Variants in DMD observed in about 807,000 individuals in gnomAD.
The protein encoded by DMD is mutant dystrophin.
DMD carries 63 observed loss-of-function variants against 330.1 expected under a neutral mutation model. The ratio of observed to expected loss-of-function variants is 0.19; its 90% CI spans 0.16 to 0.24. The LOEUF (loss-of-function observed/expected upper bound fraction) is 0.24, where lower values mean the gene tolerates loss of function less well. DMD is among the 10% of genes least tolerant of loss of function. The pLI is 1.00. For missense variants in DMD, 3,344 were observed against 2,684.1 expected (o/e 1.25, Z -5.43); for synonymous variants, 1,223 against 959.8 (o/e 1.27, Z -5.07).
chrX:31,475,282 T>C (rs1411471690), intron 59 of DMD, among the ~76,000 whole-genome samples: 1 of 112,108 alleles, frequency 8.9e-6, no homozygotes, highest in Admixed American at 9.5e-5. Context: ...ATGAAGTTTG[T>C]CTTAAGACCA....
At chrX:31,503,567 T>C (rs1352229972) in intron 56 of DMD, among the ~76,000 whole-genome samples, 1 of 111,993 alleles carries the variant, frequency 8.9e-6, no homozygotes, top group Non-Finnish European at 1.9e-5. Flanking sequence ...AAGCAACTCT[T>C]GAACACTTGA....
At chrX:31,670,981 C>T (rs1388667352) in intron 53 of DMD, among the ~76,000 whole-genome samples, 3 of 109,387 alleles carry the variant, frequency 2.7e-5, no homozygotes, top group East Asian at 5.8e-4. Flanking sequence ...GCTGCTGTCT[C>T]GGCTCACTGC....
intron 11 of DMD, among the ~76,000 whole-genome samples, chrX:32,620,666 T>G (rs1383196230): frequency 1.8e-5 from 2 of 112,269 alleles, no homozygotes; most frequent in Non-Finnish European, 3.8e-5. Flanking sequence ...GGACAGACAT[T>G]TCCTTCAACA....
intron 44 of DMD, among the ~76,000 whole-genome samples, chrX:32,152,747 T>C (rs2096811247): frequency 2.7e-5 from 3 of 111,520 alleles, no homozygotes; most frequent in Non-Finnish European, 5.7e-5. Context: ...GAAAAGAAAA[T>C]AGTTTTAAAT....
chrX:32,529,379 CTTTTTTTTTTTT>C (rs777955346), intron 17 of DMD, among the ~76,000 whole-genome samples: 6 of 31,061 alleles, frequency 1.9e-4, no homozygotes, highest in African/African-American at 2.9e-4. Context: ...CAAAAATCAA[CTTTTTTTTTTTT>C]TTTTTTTTTT....
chrX:32,156,131 C>T (rs985289388), intron 44 of DMD, among the ~76,000 whole-genome samples: 4 of 112,265 alleles, frequency 3.6e-5, no homozygotes, highest in Non-Finnish European at 5.6e-5. Flanking sequence ...CCTGTAAACC[C>T]AGCACTTTGG....
intron 17 of DMD, among the ~76,000 whole-genome samples, chrX:32,532,999 A>G (rs1255874992): frequency 8.9e-6 from 1 of 112,182 alleles, no homozygotes; most frequent in East Asian, 2.8e-4. Flanking sequence ...TACATTGTTT[A>G]TGGCTGCTTT....
At chrX:32,239,666 T>C (rs1329353356) in intron 43 of DMD, among the ~76,000 whole-genome samples, 1 of 112,182 alleles carries the variant, frequency 8.9e-6, no homozygotes, top group Non-Finnish European at 1.9e-5. Flanking sequence ...AAAACTGCTA[T>C]GCATACCATG....
intron 50 of DMD, among the ~76,000 whole-genome samples, chrX:31,800,255 T>C (rs2092000626): frequency 8.9e-6 from 1 of 112,632 alleles, no homozygotes; most frequent in Non-Finnish European, 1.9e-5. Context: ...TGCAGCAAAC[T>C]TCTGCCTGGA....
At chrX:31,693,167 CA>C (rs1042623125) in intron 52 of DMD, among the ~76,000 whole-genome samples, 3 of 111,748 alleles carry the variant, frequency 2.7e-5, no homozygotes, top group African/African-American at 9.7e-5. Context: ...GAATGAAGTA[CA>C]AAAACCGTAT....
intron 44 of DMD, among the ~76,000 whole-genome samples, chrX:32,032,843 G>T (rs2095896373): frequency 8.9e-6 from 1 of 111,811 alleles, no homozygotes; most frequent in South Asian, 3.7e-4. Context: ...TTTGCATGAG[G>T]TGAGTGGGAA....
chrX:33,142,392 T>C, intron 1 of DMD, among the ~76,000 whole-genome samples: 1 of 113,355 alleles, frequency 8.8e-6, no homozygotes, highest in Non-Finnish European at 1.9e-5. Flanking sequence ...GCGAGGCTTT[T>C]AAATTGGTGA....
chrX:32,377,741 CAGA>C (rs2097909594), intron 34 of DMD, among the ~76,000 whole-genome samples: 2 of 111,585 alleles, frequency 1.8e-5, no homozygotes, highest in Admixed American at 9.6e-5. Flanking sequence ...AGCATATTCA[CAGA>C]AGGTTACATG....
chrX:33,284,457 C>CT (rs1186026514), intron 1 of DMD, among the ~76,000 whole-genome samples: 1 of 110,205 alleles, frequency 9.1e-6, no homozygotes, highest in African/African-American at 3.3e-5. Context: ...AAATACTTAA[C>CT]TTTTTAAGAC....
At chrX:32,130,029 CT>C (rs1358052048) in intron 44 of DMD, among the ~76,000 whole-genome samples, 1 of 96,998 alleles carries the variant, frequency 1.0e-5, no homozygotes. Flanking sequence ...TTTAAGCTGG[CT>C]TTTTTCCCCC....
chrX:31,434,460 A>G (rs1223753817), intron 60 of DMD, among the ~76,000 whole-genome samples: 1 of 102,881 alleles, frequency 9.7e-6, no homozygotes, highest in Non-Finnish European at 2.0e-5. Flanking sequence ...ACACACACAC[A>G]CACACACACA....
chrX:31,369,139 T>C lies in DMD; in HGVS notation c.9085-20505A>G, dbSNP rs761585840. Among the ~76,000 whole-genome samples, 9 of 112,605 alleles carry C rather than the reference T, an allele frequency of 8.0e-5. No individual in the cohort carries two copies. The South Asian group carries it at 3.3e-3, about 41-fold the overall frequency. On this transcript the variant is annotated intron_variant, in intron 60 of 78. Coordinates refer to ENST00000357033, the MANE Select transcript of DMD (RefSeq NM_004006.3). ...TAAGACCCTCTTTGTCATCAATAAA[T>C]GTTCATGGAAATTCAGGCACTATCT... is the stretch of plus-strand genomic sequence containing the variant.
intron 13 of DMD, among the ~76,000 whole-genome samples, chrX:32,585,783 G>A (rs1234010229): frequency 9.4e-6 from 1 of 106,182 alleles, no homozygotes; most frequent in Non-Finnish European, 1.9e-5. Flanking sequence ...ATTTTGTATG[G>A]TGGGTATTAT....
At chrX:31,830,820 C>A (rs1043958889) in intron 49 of DMD, among the ~76,000 whole-genome samples, 1 of 111,259 alleles carries the variant, frequency 9.0e-6, no homozygotes, top group African/African-American at 3.3e-5. Context: ...AGACACAAGG[C>A]CACCCCATGG....
Sources: allele counts gnomAD v4.1 joint callset (sites outside exome capture counted in the v4.1 genomes callset), GRCh38; gene constraint gnomAD v4.1.1; transcripts MANE v1.5; gene names NCBI Gene and HGNC (gene_info 2026-07-23, HGNC 2026-07-21).